The following NUP153 variants were observed in gnomAD, a reference collection of about 807,000 sequenced individuals.
NUP153 encodes nuclear pore complex protein Nup153.
Under a neutral mutation model 134.6 loss-of-function variants are expected in NUP153, and 27 were observed. That is an observed-to-expected ratio of 0.20 (90% CI 0.15 to 0.28). The LOEUF (loss-of-function observed/expected upper bound fraction) is 0.28. NUP153 is among the 10% of genes least tolerant of loss of function. The pLI, the probability that NUP153 is intolerant of heterozygous loss-of-function variation, is 1.00. For missense variants in NUP153, 1,821 were observed against 1,731.3 expected, an observed-to-expected ratio of 1.05 and a Z score of -0.92; for synonymous variants, 640 against 623.5, an observed-to-expected ratio of 1.03 and a Z score of -0.40.
intron 1 of NUP153, among the ~76,000 whole-genome samples, chr6:17,697,229 G>A (rs1769711236): frequency 1.3e-5 from 2 of 152,150 alleles, no homozygotes; most frequent in Admixed American, 1.3e-4. Context: ...CAAGAAAGAA[G>A]GGTTCTTCAT....
chr6:17,689,388 A>C lies in NUP153; in HGVS notation c.112-770T>G, dbSNP rs1769141926. Among the ~76,000 whole-genome samples, 4 of 151,838 alleles carry C rather than the reference A, an allele frequency of 2.6e-5. No individual in the cohort carries two copies. In the East Asian group the frequency reaches 7.8e-4, roughly 30 times the overall value. ...GGCAACAAGGGCAAAACTCCATCTC[A>C]AAAAACAAAACAAAACAAATAAACA... On this transcript the variant is annotated intron_variant, in intron 1 of 21. Transcript: ENST00000262077.
chr6:17,661,685 G>C lies in NUP153; in HGVS notation c.1363C>G (p.Arg455Gly). ...GGGKMRRERT[R>G]FVASKPLEEE... is the part of the protein sequence containing the mutation. ...TCCAGAGGTTTAGAAGCAACAAAGCGTGTTCTTTCTCGTCTCATCTTGCCA... is the reference window on the plus strand; with the variant it reads ...TCCAGAGGTTTAGAAGCAACAAAGCCTGTTCTTTCTCGTCTCATCTTGCCA... The change falls in exon 11 of 22, where the codon CGC becomes GGC. Residue 455 changes from arginine (R) to glycine (G), a missense_variant. Coordinates refer to ENST00000262077, the MANE Select transcript of NUP153 (RefSeq NM_005124.4). 6.2e-7 allele frequency: 1 copy of C among 1,613,820 alleles called. No individual in the cohort carries two copies. Among genetic ancestry groups the C allele is most frequent in the Non-Finnish European group, 8.5e-7 (1 of 1,179,844 alleles).
At chr6:17,644,990 G>A (rs181456416) in intron 14 of NUP153, among the ~76,000 whole-genome samples, 209 of 152,126 alleles carry the variant, frequency 1.4e-3, no homozygotes, top group African/African-American at 4.6e-3. Context: ...GGAGGTTGAG[G>A]AGGAGAATGG....
At chr6:17,684,402 C>T (rs1449528917) in intron 2 of NUP153, among the ~76,000 whole-genome samples, 1 of 152,170 alleles carries the variant, frequency 6.6e-6, no homozygotes, top group Non-Finnish European at 1.5e-5. Flanking sequence ...AGCTTTTCTC[C>T]TGCAGCTTTA....
intron 12 of NUP153, among the ~76,000 whole-genome samples, chr6:17,648,914 T>C (rs1766360022): frequency 6.6e-6 from 1 of 152,186 alleles, no homozygotes; most frequent in South Asian, 2.1e-4. Flanking sequence ...GGAAACATTA[T>C]TTGGAAACAA....
At chr6:17,676,252 T>G (rs1427337902) in intron 2 of NUP153, among the ~76,000 whole-genome samples, 1 of 152,222 alleles carries the variant, frequency 6.6e-6, no homozygotes, top group Non-Finnish European at 1.5e-5. Context: ...GTTTTCCAAA[T>G]GGTTAACCTG....
In NUP153 at chr6:17,669,300, AGAG is replaced by A. The variant is rs759824939; in HGVS notation, c.1004_1006del (p.Pro335del). 2.8e-5 allele frequency: 45 copies of A among 1,610,164 alleles called. No homozygotes were observed. Among genetic ancestry groups the A allele is most frequent in the Middle Eastern group, 1.6e-4 (1 of 6,074 alleles). ...GTTTAAATCTCAACTTACAGAATTC[AGAG>A]GAGAAGAAACAATGGATGGAATTCT... is the stretch of plus-strand genomic sequence containing the variant. On this transcript the variant is annotated inframe_deletion, in exon 7 of 22. Transcript: ENST00000262077.
chr6:17,634,113 C>A (rs570175746), intron 16 of NUP153, among the ~76,000 whole-genome samples: 1 of 152,206 alleles, frequency 6.6e-6, no homozygotes, highest in East Asian at 1.9e-4. Flanking sequence ...TGAACCCCCC[C>A]CATTACTCCC....
At chr6:17,682,683 C>T (rs376815098) in intron 2 of NUP153, among the ~76,000 whole-genome samples, 2 of 152,122 alleles carry the variant, frequency 1.3e-5, no homozygotes, top group South Asian at 4.1e-4. Flanking sequence ...CTTCGGGAGG[C>T]TGAGGGGTGC....
chr6:17,674,097 G>C (rs1051103092), intron 5 of NUP153, among the ~76,000 whole-genome samples: 1 of 152,108 alleles, frequency 6.6e-6, no homozygotes, highest in Non-Finnish European at 1.5e-5. Flanking sequence ...ATGACTAAAC[G>C]TATATGACAT....
intron 16 of NUP153, among the ~76,000 whole-genome samples, chr6:17,634,030 ACTC>A (rs1193600638): frequency 4.0e-5 from 6 of 151,532 alleles, no homozygotes; most frequent in South Asian, 2.1e-4. Flanking sequence ...TTGGCTGGAT[ACTC>A]CTCCTCCTCT....
intron 11 of NUP153, among the ~76,000 whole-genome samples, chr6:17,654,375 G>A (rs561104682): frequency 9.3e-4 from 140 of 151,100 alleles, no homozygotes; most frequent in Non-Finnish European, 1.5e-3. Flanking sequence ...GGGCCGGACT[G>A]CAGTGGTGCG....
intron 11 of NUP153, among the ~76,000 whole-genome samples, chr6:17,653,172 G>C (rs567993397): frequency 1.2e-4 from 18 of 152,284 alleles, no homozygotes; most frequent in Non-Finnish European, 2.5e-4. Context: ...AGAGTTGCTT[G>C]AACTTGGGAG....
At position 17,680,308 on chromosome 6, in the gene NUP153, A is replaced by T. The variant is rs1443912248; in HGVS notation, c.335-4538T>A. ...ACAGGGCCCAGAAATAAACTACCAT[A>T]TATGATCAAACGATCTTCAACAAGG... is the stretch of plus-strand genomic sequence containing the variant. On this transcript the variant is annotated intron_variant, in intron 2 of 21. Transcript: ENST00000262077. The surrounding 1 kb of genome is among the most constrained non-coding windows in gnomAD (Gnocchi z 4.5). Among the ~76,000 whole-genome samples the T allele has an allele frequency of 6.6e-6, 1 of 152,206 alleles. No homozygotes were observed. Among genetic ancestry groups the T allele is most frequent in the African/African-American group, 2.4e-5 (1 of 41,446 alleles).
At chr6:17,627,713 C>T (rs753793116) in intron 18 of NUP153, among the ~76,000 whole-genome samples, 9 of 152,136 alleles carry the variant, frequency 5.9e-5, no homozygotes, top group Admixed American at 3.9e-4. Context: ...GGTTCAAGAA[C>T]ATTTTCACTT....
intron 2 of NUP153, among the ~76,000 whole-genome samples, chr6:17,681,442 G>A (rs535749409): frequency 1.1e-4 from 17 of 152,196 alleles, no homozygotes; most frequent in African/African-American, 3.4e-4. Context: ...AAAATTAGCC[G>A]GGTGTGGTGG....
chr6:17,686,390 C>CT (rs377128114), intron 2 of NUP153, among the ~76,000 whole-genome samples: 6 of 151,216 alleles, frequency 4.0e-5, no homozygotes, highest in African/African-American at 9.7e-5. Flanking sequence ...GTTAACAAAC[C>CT]TTTTTTTTAT....
chr6:17,665,533 T>G (rs1581727866), intron 8 of NUP153, 148 bp from the exon 9 acceptor site: 1 of 615,262 alleles, frequency 1.6e-6, no homozygotes, highest in Admixed American at 3.1e-5. Flanking sequence ...GAGGAAAAAC[T>G]GATAATAATG....
At chr6:17,629,861 A>C (rs936879249) in intron 17 of NUP153, among the ~76,000 whole-genome samples, 2 of 152,260 alleles carry the variant, frequency 1.3e-5, no homozygotes, top group Non-Finnish European at 2.9e-5. Flanking sequence ...AATGAACACA[A>C]AACTCATAGA....
Sources: gnomAD v4.1 joint callset for allele counts (sites outside exome capture counted in the v4.1 genomes callset) on GRCh38, gnomAD v4.1.1 for gene constraint, Gnocchi (gnomAD v3.1) non-coding constraint, MANE v1.5 for transcripts, NCBI Gene and HGNC (gene_info 2026-07-23, HGNC 2026-07-21) for gene names.